GPM6A: variants seen among roughly 807,000 people sequenced by gnomAD.
GPM6A encodes glycoprotein M6A, also known as neuronal membrane glycoprotein M6-a.
Under a neutral mutation model 32.1 loss-of-function variants are expected in GPM6A, and 7 were observed. The observed-to-expected ratio is 0.22, with a 90% CI of 0.12 to 0.41. GPM6A has a LOEUF of 0.41. Ranked by LOEUF, GPM6A falls within the 10% of genes least tolerant of loss-of-function variation. GPM6A has a pLI of 1.00. For missense variants in GPM6A, 235 were observed against 347.2 expected, an observed-to-expected ratio of 0.68 and a Z score of 2.57; for synonymous variants, 130 against 123.4, an observed-to-expected ratio of 1.05 and a Z score of -0.35.
upstream of GPM6A, among the ~76,000 whole-genome samples, chr4:175,815,783 T>C (rs1009311875): frequency 6.7e-6 from 1 of 148,964 alleles, no homozygotes; most frequent in South Asian, 2.1e-4. Flanking sequence ...AATGGCATGA[T>C]CTCAGCTCAC....
intron 1 of GPM6A, among the ~76,000 whole-genome samples, chr4:175,764,284 T>A (rs1361995019): frequency 6.6e-6 from 1 of 152,248 alleles, no homozygotes; most frequent in Non-Finnish European, 1.5e-5. Flanking sequence ...CTTTTATGCC[T>A]GACTTCTTTA....
At position 175,925,730 on chromosome 4, in the gene GPM6A, T is replaced by C. The variant is rs79178892; in HGVS notation, c.-23+76579A>G. 5.4e-3 allele frequency among the ~76,000 whole-genome samples: 828 copies of C among 152,270 alleles called. 5 individuals are homozygous for C. Among genetic ancestry groups the C allele is most frequent in the African/African-American group, 0.019 (794 of 41,566 alleles). On this transcript the variant is annotated intron_variant, in intron 1 of 7. Coordinates refer to the GPM6A transcript ENST00000280187. ...GAATTCATAACTGCATCCAAACTAG[T>C]TTCTAGTTTCAATATTGTACTAATA... is the stretch of plus-strand genomic sequence containing the variant.
At chr4:175,695,745 T>A (rs1251637941) in intron 2 of GPM6A, among the ~76,000 whole-genome samples, 4 of 152,130 alleles carry the variant, frequency 2.6e-5, no homozygotes, top group Non-Finnish European at 5.9e-5. Context: ...TGGGGGAACT[T>A]AGGGGAAACA....
chr4:175,956,905 T>A (rs1262870414), intron 1 of GPM6A, among the ~76,000 whole-genome samples: 2 of 152,194 alleles, frequency 1.3e-5, no homozygotes, highest in Non-Finnish European at 2.9e-5. Context: ...AAATAAACTA[T>A]GTATTCTAGA....
intron 1 of GPM6A, among the ~76,000 whole-genome samples, chr4:175,764,000 C>T (rs550434620): frequency 2.6e-5 from 4 of 152,004 alleles, no homozygotes; most frequent in Non-Finnish European, 5.9e-5. Flanking sequence ...ATTTTTTGGT[C>T]CCTTTTGTAC....
intron 1 of GPM6A, among the ~76,000 whole-genome samples, chr4:175,958,770 T>C (rs1052903621): frequency 6.6e-6 from 1 of 152,242 alleles, no homozygotes; most frequent in Non-Finnish European, 1.5e-5. Flanking sequence ...AAAGGAGGCA[T>C]AGTTTACACT....
chr4:175,716,999 G>C (rs1745873920), intron 1 of GPM6A, among the ~76,000 whole-genome samples: 1 of 152,086 alleles, frequency 6.6e-6, no homozygotes, highest in Non-Finnish European at 1.5e-5. Flanking sequence ...GTATGACCTG[G>C]AGTATGTCAG....
At chr4:175,703,806 T>A (rs1745010659) in intron 1 of GPM6A, among the ~76,000 whole-genome samples, 1 of 152,164 alleles carries the variant, frequency 6.6e-6, no homozygotes, top group South Asian at 2.1e-4. Flanking sequence ...CTAAGGGTAC[T>A]TGCAAGGATG....
rs900170456 is a variant in GPM6A at position 175,701,897 on chromosome 4, T to C, written c.38-130A>G. 1.1e-4 allele frequency: 69 copies of C among 600,598 alleles called. 1 individual carries two copies. In the Admixed American group the frequency reaches 2.0e-3, roughly 17 times the overall value. The allele number at this position is 600,598 out of a possible 1,614,324, so 37.2% of individuals were successfully genotyped here. On this transcript the variant is annotated intron_variant, in intron 1 of 6. Coordinates refer to ENST00000393658, the MANE Select transcript of GPM6A (RefSeq NM_201591.3). ...CAGGTCAACCATACAAATGAAGTCC[T>C]AGAGTGCATTGAAGGATACTAAGAT...
At chr4:175,944,709 T>C (rs1181816888) in intron 1 of GPM6A, among the ~76,000 whole-genome samples, 1 of 152,232 alleles carries the variant, frequency 6.6e-6, no homozygotes, top group Non-Finnish European at 1.5e-5. Flanking sequence ...ATCTACAGTT[T>C]CTGGCTTTTG....
At chr4:175,635,928 T>G in intron 6 of GPM6A, among the ~76,000 whole-genome samples, 1 of 151,958 alleles carries the variant, frequency 6.6e-6, no homozygotes, top group East Asian at 1.9e-4. Context: ...AATAGAACAC[T>G]AAGATTTTGA....
At chr4:175,704,487 A>G (rs528347825) in intron 1 of GPM6A, among the ~76,000 whole-genome samples, 2 of 152,174 alleles carry the variant, frequency 1.3e-5, no homozygotes, top group Non-Finnish European at 2.9e-5. Context: ...GTCACTGAAC[A>G]CAGTTTTGGG....
At chr4:175,751,085 A>T (rs193301412) in intron 1 of GPM6A, among the ~76,000 whole-genome samples, 34 of 152,322 alleles carry the variant, frequency 2.2e-4, no homozygotes, top group African/African-American at 8.2e-4. Flanking sequence ...GGGGGAAAAA[A>T]GATGTGCATA....
intron 1 of GPM6A, among the ~76,000 whole-genome samples, chr4:175,908,780 CTG>C (rs1382953735): frequency 6.6e-6 from 1 of 152,018 alleles, no homozygotes; most frequent in East Asian, 1.9e-4. Context: ...TAAAAATAGA[CTG>C]TGTGAAAACA....
At chr4:175,701,078 C>T (rs568128320) in intron 2 of GPM6A, among the ~76,000 whole-genome samples, 1 of 152,218 alleles carries the variant, frequency 6.6e-6, no homozygotes, top group East Asian at 1.9e-4. Flanking sequence ...TACTCTTTTA[C>T]AGAAGACAAT....
intron 1 of GPM6A, among the ~76,000 whole-genome samples, chr4:175,945,610 T>A (rs916653784): frequency 1.7e-4 from 25 of 151,268 alleles, no homozygotes; most frequent in African/African-American, 5.8e-4. Context: ...ATATAACTTA[T>A]AAGAAACATG....
intron 1 of GPM6A, among the ~76,000 whole-genome samples, chr4:175,945,258 C>T (rs1204781636): frequency 1.3e-5 from 2 of 152,142 alleles, no homozygotes; most frequent in Non-Finnish European, 2.9e-5. Context: ...GCACGTATCA[C>T]TAGATAAGCT....
intron 1 of GPM6A, among the ~76,000 whole-genome samples, chr4:175,928,642 G>C (rs552259380): frequency 6.6e-6 from 1 of 152,248 alleles, no homozygotes; most frequent in Non-Finnish European, 1.5e-5. Flanking sequence ...AGGCCTGGCT[G>C]GCATGTGGTG....
intron 1 of GPM6A, among the ~76,000 whole-genome samples, chr4:175,984,310 GTT>G (rs1740904453): frequency 6.6e-6 from 1 of 151,866 alleles, no homozygotes; most frequent in East Asian, 1.9e-4. Context: ...CTACAGGTGC[GTT>G]CCACCACGCC....
Sources: allele counts gnomAD v4.1 joint callset (sites outside exome capture counted in the v4.1 genomes callset), GRCh38; gene constraint gnomAD v4.1.1; transcripts MANE v1.5; gene names NCBI Gene and HGNC (gene_info 2026-07-23, HGNC 2026-07-21).